Variants in CHL1 observed in about 807,000 individuals in gnomAD.
CHL1 encodes the protein cell adhesion molecule L1 like.
CHL1 carries 96 observed loss-of-function variants against 141.9 expected under a neutral mutation model. The ratio of observed to expected loss-of-function variants is 0.68; its 90% CI spans 0.57 to 0.80. The LOEUF is 0.80. Among genes scored for constraint, CHL1 ranks in the 30% least tolerant of loss-of-function variants. CHL1 has a pLI of 0.00. For synonymous variants in CHL1, 613 were observed against 502.2 expected, an observed-to-expected ratio of 1.22 and a Z score of -2.95; for missense variants, 1,820 against 1,457.2, an observed-to-expected ratio of 1.25 and a Z score of -4.05.
In CHL1 at chr3:342,875, C is replaced by G. The variant is rs912554048; in HGVS notation, c.680-109C>G. ...GGCAATGTTCTAGTGAAGCATGGTTCTACATCATTTTGTAATTTTTCTAAG... is the reference window on the plus strand; with the variant it reads ...GGCAATGTTCTAGTGAAGCATGGTTGTACATCATTTTGTAATTTTTCTAAG... On this transcript the variant is annotated intron_variant, in intron 7 of 27. Coordinates refer to ENST00000256509, the MANE Select transcript of CHL1 (RefSeq NM_006614.4). The G allele has an allele frequency of 1.7e-5, 13 of 765,476 alleles. No individual in the cohort carries two copies. In the Admixed American group the frequency reaches 2.9e-4, roughly 17 times the overall value. 47.4% of individuals were successfully genotyped at this position (765,476 alleles called of 1,614,324 possible). A position where few individuals can be genotyped will look rare whatever the true frequency, so the allele number is the denominator to read the frequency against.
intron 26 of CHL1, among the ~76,000 whole-genome samples, chr3:400,495 G>A (rs934938098): frequency 1.3e-5 from 2 of 149,830 alleles, no homozygotes; most frequent in Non-Finnish European, 3.0e-5. Context: ...AAAAAAATTA[G>A]CATTTCATAT....
intron 2 of CHL1, among the ~76,000 whole-genome samples, chr3:289,446 C>T (rs1697463646): frequency 6.6e-6 from 1 of 152,084 alleles, no homozygotes. Context: ...AATATGAGAG[C>T]AATTATAGAA....
At chr3:276,890 TAAAAAAAAAAA>T (rs11292528) in intron 2 of CHL1, among the ~76,000 whole-genome samples, 6 of 64,424 alleles carry the variant, frequency 9.3e-5, no homozygotes, top group African/African-American at 2.5e-4. Context: ...CTCCGTCTCC[TAAAAAAAAAAA>T]AAAAAAAAAA....
intron 24 of CHL1, among the ~76,000 whole-genome samples, chr3:397,462 G>A (rs969700725): frequency 2.6e-5 from 4 of 151,818 alleles, no homozygotes; most frequent in South Asian, 2.1e-4. Context: ...TTATATCATT[G>A]TTAACATTTT....
In CHL1 at chr3:342,870, T is replaced by G. The variant is rs374879968; in HGVS notation, c.680-114T>G. ...CCAAAGGCAATGTTCTAGTGAAGCA[T>G]GGTTCTACATCATTTTGTAATTTTT... On this transcript the variant is annotated intron_variant, in intron 7 of 27. Coordinates refer to ENST00000256509, the MANE Select transcript of CHL1 (RefSeq NM_006614.4). The G allele has an allele frequency of 2.3e-5, 16 of 700,502 alleles. No individual in the cohort carries two copies. The African/African-American group carries it at 2.4e-4, about 10-fold the overall frequency. The allele number at this position is 700,502 out of a possible 1,614,324, so 43.4% of individuals were successfully genotyped here. A position where few individuals can be genotyped will look rare whatever the true frequency, so the allele number is the denominator to read the frequency against.
At chr3:392,576 T>C (rs976083846) in intron 23 of CHL1, among the ~76,000 whole-genome samples, 2 of 152,204 alleles carry the variant, frequency 1.3e-5, no homozygotes, top group Admixed American at 6.5e-5. Flanking sequence ...ATTGACATTA[T>C]AGAAAATTTT....
At chr3:226,011 A>G (rs1701306546) in intron 1 of CHL1, among the ~76,000 whole-genome samples, 1 of 148,214 alleles carries the variant, frequency 6.7e-6, no homozygotes, top group African/African-American at 2.5e-5. Flanking sequence ...TCTGTCTAAA[A>G]AAAAGAGACA....
rs761803686 is a variant in CHL1, at chr3:365,971, C to G, written c.1607C>G (p.Ser536Cys). 6.2e-7 allele frequency: 1 copy of G among 1,613,124 alleles called. No homozygotes were observed. The highest frequency in any genetic ancestry group is 1.7e-5 in the Admixed American group (1 of 59,982). ...DIRNATKLRV[S>C]PKNPRIPKLH... The stretch of plus-strand genomic sequence containing the variant: ...ACAGATGCTACAAAACTTAGAGTTT[C>G]TCCTAAGAATCCTCGTATCCCCAAA... The change falls in exon 15 of 28, where the codon TCT becomes TGT. Residue 536 changes from serine (S) to cysteine (C), a missense_variant. By Grantham distance (112) the Ser-to-Cys change is moderately radical. Transcript: ENST00000256509.
At chr3:321,199 A>T (rs1700535191) in intron 3 of CHL1, among the ~76,000 whole-genome samples, 1 of 152,068 alleles carries the variant, frequency 6.6e-6, no homozygotes. Context: ...CTGAAATTGT[A>T]GTTCCATCCC....
At chr3:293,660 A>G (rs1697915508) in intron 2 of CHL1, among the ~76,000 whole-genome samples, 1 of 152,212 alleles carries the variant, frequency 6.6e-6, no homozygotes, top group South Asian at 2.1e-4. Flanking sequence ...GATACTACCC[A>G]GTTTCCTGCA....
At chr3:261,959 T>G (rs370212236) in intron 2 of CHL1, among the ~76,000 whole-genome samples, 2 of 134,108 alleles carry the variant, frequency 1.5e-5, no homozygotes, top group East Asian at 4.3e-4. Context: ...AGGGCAGGAT[T>G]CACACGTTTA....
intron 2 of CHL1, among the ~76,000 whole-genome samples, chr3:301,766 T>G (rs1471101506): frequency 2.0e-5 from 3 of 152,204 alleles, no homozygotes; most frequent in Non-Finnish European, 4.4e-5. Context: ...TTATTATTAT[T>G]ATACTTTAAG....
chr3:376,168 A>T (rs1245594539), intron 15 of CHL1, among the ~76,000 whole-genome samples: 1 of 152,188 alleles, frequency 6.6e-6, no homozygotes, highest in African/African-American at 2.4e-5. Flanking sequence ...CTATGATGGG[A>T]ACATAATGTG....
chr3:248,650 G>A (rs548462521), intron 2 of CHL1: 3 of 152,154 alleles, frequency 2.0e-5, no homozygotes, highest in South Asian at 4.1e-4. Context: ...ATAGGCTCAA[G>A]CTCAATCTTC....
intron 26 of CHL1, among the ~76,000 whole-genome samples, chr3:401,330 G>T (rs1157605038): frequency 6.6e-6 from 1 of 152,186 alleles, no homozygotes; most frequent in Admixed American, 6.5e-5. Context: ...ATCAAACTCA[G>T]TTGGGCTCTT....
At chr3:246,143 C>T (rs899505249) in intron 2 of CHL1, among the ~76,000 whole-genome samples, 1 of 151,984 alleles carries the variant, frequency 6.6e-6, no homozygotes, top group African/African-American at 2.4e-5. Flanking sequence ...TCATAAGAAA[C>T]ATAGGTAAAT....
intron 2 of CHL1, among the ~76,000 whole-genome samples, chr3:267,859 C>T (rs1372955750): frequency 1.3e-5 from 2 of 152,106 alleles, no homozygotes; most frequent in Non-Finnish European, 2.9e-5. Flanking sequence ...AATTAAGAAG[C>T]ATTTTCTTGA....
intron 2 of CHL1, among the ~76,000 whole-genome samples, chr3:268,985 T>C (rs1695405022): frequency 6.6e-6 from 1 of 152,224 alleles, no homozygotes; most frequent in Non-Finnish European, 1.5e-5. Flanking sequence ...TTGTAGCTGT[T>C]GTTGCTCTCA....
intron 3 of CHL1, 70 bp from the exon 4 acceptor site, chr3:325,889 G>A (rs2025138557): frequency 1.1e-5 from 11 of 1,011,534 alleles, no homozygotes; most frequent in Non-Finnish European, 1.4e-5. Context: ...GGTTTAAAGT[G>A]TTTTCGCTAT....
Sources: allele counts gnomAD v4.1 joint callset (sites outside exome capture counted in the v4.1 genomes callset), GRCh38; gene constraint gnomAD v4.1.1; transcripts MANE v1.5; gene names NCBI Gene and HGNC (gene_info 2026-07-23, HGNC 2026-07-21).